Variants in SLC25A39 observed in about 807,000 individuals in gnomAD.
SLC25A39 encodes mitochondrial glutathione transporter SLC25A39.
SLC25A39 carries 44 observed loss-of-function variants against 46.6 expected under a neutral mutation model. That is an observed-to-expected ratio of 0.94 (90% CI 0.74 to 1.21). The LOEUF is 1.21. Ranked by LOEUF, SLC25A39 falls within the 50% of genes most tolerant of loss-of-function variation. The pLI is 0.00. For missense variants in SLC25A39, 487 were observed against 473.0 expected (o/e 1.03, Z -0.28); for synonymous variants, 218 against 190.6 (o/e 1.14, Z -1.19).
chr17:44,322,672 G>T (rs1270224149), intron 4 of SLC25A39, 120 bp from the exon 5 acceptor site: 16 of 1,557,428 alleles, frequency 1.0e-5, no homozygotes, highest in Non-Finnish European at 1.4e-5. Flanking sequence ...TCTGGTGCAG[G>T]TCACAGGACT....
intron 2 of SLC25A39, 39 bp downstream of exon 2, chr17:44,323,439 A>AAACCCCCCCCCCCCCCCCCCCCCC: frequency 3.9e-6 from 1 of 257,112 alleles, no homozygotes; most frequent in Non-Finnish European, 5.7e-6. Flanking sequence ...GGTCTGCCCC[A>AAACCCCCCCCCCCCCCCCCCCCCC]TCCCCACCCG....
In SLC25A39 at chr17:44,323,542, C is replaced by A. The variant is rs1273253088; in HGVS notation, c.21G>T (p.Ala7=). MADQDP[A]GISPLQQMVA... ...CCATTTGCTGGAGGGGGCTGATGCC[C>A]GCAGGGTCCTGGTCAGCCATCTTGA... The change falls in exon 2 of 12, where the codon GCG becomes GCT. Residue 7 remains alanine, a synonymous_variant. Transcript: ENST00000377095. 1.3e-6 allele frequency: 2 copies of A among 1,576,534 alleles called. No individual in the cohort carries two copies. The highest frequency in any genetic ancestry group is 4.7e-5 in the East Asian group (2 of 42,800).
chr17:44,320,191 C>G lies in SLC25A39; in HGVS notation c.964+5G>C, dbSNP rs1250396253. On this transcript the variant is annotated splice_donor_5th_base_variant and intron_variant, in intron 11 of 11. Coordinates refer to ENST00000377095, the MANE Select transcript of SLC25A39 (RefSeq NM_001143780.3). ...TGCCCCCACCCCCGACACCCACACACTGACCTGCAAAGAGTCCCTTGGTGC... is the reference window on the plus strand; with the variant it reads ...TGCCCCCACCCCCGACACCCACACAGTGACCTGCAAAGAGTCCCTTGGTGC... 6.2e-7 allele frequency: 1 copy of G among 1,613,916 alleles called. No individual in the cohort carries two copies. The highest frequency in any genetic ancestry group is 1.3e-5 in the African/African-American group (1 of 74,938).
rs2144713691 is a variant in SLC25A39 at position 44,320,028 on chromosome 17, C to T, written c.1053G>A (p.Leu351=). The change falls in exon 12 of 12, where the codon CTG becomes CTA. Residue 351 remains leucine, a synonymous_variant. Coordinates refer to ENST00000377095, the MANE Select transcript of SLC25A39 (RefSeq NM_001143780.3). The part of the protein sequence containing the change: ...YEFGKSFFQR[L]NQDRLLGG ...AGCCGCCCAGAAGCCGGTCCTGGTT[C>T]AGCCTCTGGAAGAAGCTTTTGCCGA... The T allele has an allele frequency of 6.2e-7, 1 of 1,614,036 alleles. No homozygotes were observed. The highest frequency in any genetic ancestry group is 8.5e-7 in the Non-Finnish European group (1 of 1,180,032).
Position 44,321,245 on chromosome 17 carries a change from G to A in SLC25A39, c.518-14C>T, listed in dbSNP as rs768673000. The A allele has an allele frequency of 6.3e-7, 1 of 1,597,878 alleles. No individual in the cohort carries two copies. Among genetic ancestry groups the A allele is most frequent in the Non-Finnish European group, 8.5e-7 (1 of 1,171,302 alleles). On this transcript the variant is annotated splice_polypyrimidine_tract_variant and intron_variant, in intron 7 of 11. Coordinates refer to ENST00000377095, the MANE Select transcript of SLC25A39 (RefSeq NM_001143780.3). ...TCACGGTGCCCACTGTGTGGGGATT[G>A]GGGGTGACAATGGGGAGAAGTGAGA...
At chr17:44,323,716 C>G in intron 1 of SLC25A39, 139 bp from the exon 2 acceptor site, 1 of 629,780 alleles carries the variant, frequency 1.6e-6, no homozygotes, top group Non-Finnish European at 2.8e-6. Flanking sequence ...ACCATCTTGG[C>G]TCACTGCAAC....
At position 44,320,724 on chromosome 17, in the gene SLC25A39, G is replaced by C. The variant is rs962225758; in HGVS notation, c.699C>G (p.Tyr233Ter). The change falls in exon 9 of 12, where the codon TAC (tyrosine) becomes TAG (stop). Residue 233 changes from tyrosine (Y) to a stop codon, truncating the protein, a stop_gained. Coordinates refer to ENST00000377095, the MANE Select transcript of SLC25A39 (RefSeq NM_001143780.3). LOFTEE classifies it high-confidence loss of function. The stretch of plus-strand genomic sequence containing the variant: ...TCTTCACCAGCTCATAGTTGAACCA[G>C]TACAGGGCTTGGGGTGGGGGATGCA... ...ALRDVPFSAL[Y>*]WFNYELVKSW... 22 of 1,613,430 alleles carry C rather than the reference G, an allele frequency of 1.4e-5. No individual in the cohort carries two copies. The highest frequency in any genetic ancestry group is 1.7e-5 in the Non-Finnish European group (20 of 1,179,484).
Position 44,321,005 on chromosome 17 carries a change from T to C in SLC25A39, c.691+53A>G, listed in dbSNP as rs2048012047. On this transcript the variant is annotated intron_variant, in intron 8 of 11. Transcript: ENST00000377095. Reference sequence around the variant, plus strand: ...AAGCTGGGACTTGGCTGTAGACCCTTTGTGCATCACCCCAGGGTTCCCTCA... The same window carrying C: ...AAGCTGGGACTTGGCTGTAGACCCTCTGTGCATCACCCCAGGGTTCCCTCA... The C allele has an allele frequency of 6.6e-6, 10 of 1,520,862 alleles. No homozygotes were observed. In the South Asian group the frequency reaches 1.2e-4, roughly 18 times the overall value. 94.2% of individuals were successfully genotyped at this position (1,520,862 alleles called of 1,614,324 possible).
intron 2 of SLC25A39, 39 bp downstream of exon 2, chr17:44,323,439 A>AAGG: frequency 3.9e-6 from 1 of 257,110 alleles, no homozygotes; most frequent in Middle Eastern, 1.3e-3. Flanking sequence ...GGTCTGCCCC[A>AAGG]TCCCCACCCG....
Position 44,323,530 on chromosome 17 carries a change from G to A in SLC25A39, c.33C>T (p.Pro11=), listed in dbSNP as rs1389311295. Residue 11 remains proline (P), a synonymous_variant, in exon 2 of 12, where the codon CCC becomes CCT. Coordinates refer to ENST00000377095, the MANE Select transcript of SLC25A39 (RefSeq NM_001143780.3). MADQDPAGIS[P]LQQMVASGTG... is the part of the protein sequence containing the mutation. ...TGCCTGAGGCCACCATTTGCTGGAG[G>A]GGGCTGATGCCCGCAGGGTCCTGGT... is the stretch of plus-strand genomic sequence containing the variant. 11 of 1,582,452 alleles carry A rather than the reference G, an allele frequency of 7.0e-6. No individual in the cohort carries two copies. Among genetic ancestry groups the A allele is most frequent in the African/African-American group, 1.3e-5 (1 of 74,150 alleles).
intron 4 of SLC25A39, 22 bp from the exon 5 acceptor site, chr17:44,322,574 TATA>T (rs1456365877): frequency 1.2e-6 from 2 of 1,612,264 alleles, no homozygotes; most frequent in Admixed American, 3.4e-5. Flanking sequence ...CAGGGGGCAT[TATA>T]ATGACAGGAT....
chr17:44,321,209 G>T lies in SLC25A39; in HGVS notation c.540C>A (p.Ser180Arg). Residue 180 changes from serine to arginine, a missense_variant, in exon 8 of 12, where the codon AGC (serine) becomes AGA (arginine). By Grantham distance (110) the Ser-to-Arg change is moderately radical. Transcript: ENST00000377095. ...GCTTTGTCCGCATAAGCTCCAGGGG[G>T]CTGATCACAGTCACGGTGCCCACTG... ...LARLGTVTVISPLELMRTKLQ... is the reference protein window; with the variant it reads ...LARLGTVTVIRPLELMRTKLQ... 6.2e-7 allele frequency: 1 copy of T among 1,610,350 alleles called. No homozygotes were observed. The highest frequency in any genetic ancestry group is 8.5e-7 in the Non-Finnish European group (1 of 1,178,394).
In SLC25A39 at chr17:44,321,131, T is replaced by G; in HGVS notation, c.618A>C (p.Ala206=). The G allele has an allele frequency of 1.2e-6, 2 of 1,612,964 alleles. No homozygotes were observed. Among genetic ancestry groups the G allele is most frequent in the Non-Finnish European group, 1.7e-6 (2 of 1,179,942 alleles). ...GTGAGCGCCAGCCACCCTGAGCCAC[T>G]GCAGTTCGAACACAGGCACCCAGCT... ...YRELGACVRT[A]VAQGGWRSLW... Residue 206 remains alanine (A), a synonymous_variant, in exon 8 of 12, where the codon GCA becomes GCC. Transcript: ENST00000377095.
In SLC25A39 at chr17:44,319,631, G is replaced by A. The variant is rs1387577747; in HGVS notation, c.*370C>T. On this transcript the variant is annotated 3_prime_UTR_variant, in exon 12 of 12. Transcript: ENST00000377095. ...CCAGAGGGACAGGCACCAGGCAGAA[G>A]TTCATCATCTTTAGACTTAAGGAAT... is the stretch of plus-strand genomic sequence containing the variant. 4.1e-6 allele frequency: 1 copy of A among 241,626 alleles called. No individual in the cohort carries two copies. The highest frequency in any genetic ancestry group is 2.3e-5 in the African/African-American group (1 of 44,032). 15.0% of individuals were successfully genotyped at this position (241,626 alleles called of 1,614,324 possible).
At chr17:44,321,869 G>T in intron 5 of SLC25A39, 102 bp from the exon 6 acceptor site, 1 of 1,221,334 alleles carries the variant, frequency 8.2e-7, no homozygotes, top group South Asian at 1.5e-5. Flanking sequence ...CTCAGCCTCT[G>T]CCCACAGCCC....
At chr17:44,320,322 C>T (rs771245625) in intron 10 of SLC25A39, 33 bp downstream of exon 10, 2 of 1,613,336 alleles carry the variant, frequency 1.2e-6, no homozygotes, top group South Asian at 1.1e-5. Flanking sequence ...CAGGACCCCA[C>T]CTGTCCCCTG....
chr17:44,322,321 G>T, intron 5 of SLC25A39, 98 bp downstream of exon 5: 2 of 1,388,398 alleles, frequency 1.4e-6, no homozygotes, highest in Non-Finnish European at 2.0e-6. Context: ...CTACCTCTGC[G>T]TGCCTTGCCC....
chr17:44,323,345 TG>T lies in SLC25A39; in HGVS notation c.86-3del. The T allele has an allele frequency of 6.2e-7, 1 of 1,610,644 alleles. No individual in the cohort carries two copies. The highest frequency in any genetic ancestry group is 8.5e-7 in the Non-Finnish European group (1 of 1,178,332). Reference sequence around the variant, plus strand: ...CCTTCACCACGTCCAGGGGTGTCACTGGGGGAGGAAGCGGGTCTGAAGGCTC... The same window carrying T: ...CCTTCACCACGTCCAGGGGTGTCACTGGGGAGGAAGCGGGTCTGAAGGCTC... On this transcript the variant is annotated splice_region_variant and splice_polypyrimidine_tract_variant and intron_variant, in intron 2 of 11. Coordinates refer to ENST00000377095, the MANE Select transcript of SLC25A39 (RefSeq NM_001143780.3).
At position 44,321,189 on chromosome 17, in the gene SLC25A39, G is replaced by C; in HGVS notation, c.560C>G (p.Thr187Arg). 1 of 1,612,886 alleles carries C rather than the reference G, an allele frequency of 6.2e-7. No homozygotes were observed. Among genetic ancestry groups the C allele is most frequent in the Non-Finnish European group, 8.5e-7 (1 of 1,179,726 alleles). ...TVISPLELMR[T>R]KLQAQHVSYR... is the part of the protein sequence containing the mutation. ...CGACACATGCTGAGCCTGCAGCTTT[G>C]TCCGCATAAGCTCCAGGGGGCTGAT... The change falls in exon 8 of 12, where the codon ACA (threonine) becomes AGA (arginine). Residue 187 changes from threonine to arginine, a missense_variant. Coordinates refer to ENST00000377095, the MANE Select transcript of SLC25A39 (RefSeq NM_001143780.3).
Sources: allele counts gnomAD v4.1 joint callset, GRCh38; gene constraint gnomAD v4.1.1; transcripts MANE v1.5; gene names NCBI Gene and HGNC (gene_info 2026-07-23, HGNC 2026-07-21).